The following RBMS3 variants were observed in gnomAD, a reference collection of about 807,000 sequenced individuals.
RBMS3 encodes RNA binding motif single stranded interacting protein 3.
RBMS3 carries 27 observed loss-of-function variants against 66.8 expected under a neutral mutation model. The observed-to-expected ratio is 0.40, with a 90% confidence interval of 0.30 to 0.56. The LOEUF is 0.56. Ranked by LOEUF, RBMS3 falls within the 20% of genes least tolerant of loss-of-function variation. RBMS3 has a pLI of 0.40. For synonymous variants in RBMS3, 188 were observed against 183.0 expected, an observed-to-expected ratio of 1.03 and a Z score of -0.22; for missense variants, 513 against 549.5, an observed-to-expected ratio of 0.93 and a Z score of 0.66.
At chr3:29,721,356 TATA>T (rs1481289336) in intron 4 of RBMS3, among the ~76,000 whole-genome samples, 1 of 152,102 alleles carries the variant, frequency 6.6e-6, no homozygotes, top group Admixed American at 6.6e-5. Flanking sequence ...GTAATAACTA[TATA>T]ACAACAGAGA....
chr3:29,295,281 ATATATATATATATACATATATATC>A (rs747807180), intron 1 of RBMS3, among the ~76,000 whole-genome samples: 1,878 of 28,176 alleles, frequency 0.067, 31 homozygotes, highest in Middle Eastern at 0.22. Flanking sequence ...AATTATATAT[ATATATATATATATACATATATATC>A]TATATATATA....
At chr3:29,624,534 C>G (rs1022031890) in intron 4 of RBMS3, among the ~76,000 whole-genome samples, 1 of 152,040 alleles carries the variant, frequency 6.6e-6, no homozygotes, top group African/African-American at 2.4e-5. Flanking sequence ...ATCTCTGACT[C>G]TTACTATGCT....
chr3:29,792,498 T>C (rs2057046924), intron 6 of RBMS3, among the ~76,000 whole-genome samples: 1 of 152,144 alleles, frequency 6.6e-6, no homozygotes, highest in East Asian at 1.9e-4. Flanking sequence ...TTGGGCTGTC[T>C]TAAAAAAAGA....
chr3:29,371,971 GTA>G, intron 1 of RBMS3, among the ~76,000 whole-genome samples: 1 of 152,152 alleles, frequency 6.6e-6, no homozygotes, highest in South Asian at 2.1e-4. Context: ...TAACAAGCAT[GTA>G]TCAACATTCT....
At chr3:29,911,973 T>C (rs2060525500) in intron 10 of RBMS3, among the ~76,000 whole-genome samples, 1 of 149,270 alleles carries the variant, frequency 6.7e-6, no homozygotes, top group African/African-American at 2.6e-5. Flanking sequence ...GAGAAACACA[T>C]ACATAATAGC....
At chr3:29,496,152 A>G (rs1337065195) in intron 3 of RBMS3, among the ~76,000 whole-genome samples, 1 of 148,422 alleles carries the variant, frequency 6.7e-6, no homozygotes, top group Non-Finnish European at 1.5e-5. Flanking sequence ...AAACACATTT[A>G]TTCAATTTTC....
intron 6 of RBMS3, among the ~76,000 whole-genome samples, chr3:29,779,578 G>T (rs2056550124): frequency 6.6e-6 from 1 of 150,900 alleles, no homozygotes; most frequent in African/African-American, 2.4e-5. Flanking sequence ...ATTACCACAG[G>T]TATTTAATTC....
intron 3 of RBMS3, 80 bp from the exon 4 acceptor site, chr3:29,587,034 C>A: frequency 9.3e-7 from 1 of 1,070,834 alleles, no homozygotes; most frequent in South Asian, 1.5e-5. Context: ...GCAAGTCTAT[C>A]TGTAAACTTG....
Position 29,302,409 on chromosome 3 carries a change from A to G in RBMS3, c.75+20653A>G, listed in dbSNP as rs564019714. ...TTTGCCCATAATTTAAATAATAAAAATTGTTGTTTATGTTTTACCCTCCCT... is the reference window on the plus strand; with the variant it reads ...TTTGCCCATAATTTAAATAATAAAAGTTGTTGTTTATGTTTTACCCTCCCT... On this transcript the variant is annotated intron_variant, in intron 1 of 14. Coordinates refer to ENST00000383767, the MANE Select transcript of RBMS3 (RefSeq NM_001003793.3). Among the ~76,000 whole-genome samples the G allele has an allele frequency of 3.9e-5, 6 of 152,086 alleles. No individual in the cohort carries two copies. The South Asian group carries it at 1.2e-3, about 32-fold the overall frequency.
chr3:29,785,475 A>G (rs2056787740), intron 6 of RBMS3, among the ~76,000 whole-genome samples: 1 of 152,114 alleles, frequency 6.6e-6, no homozygotes, highest in Non-Finnish European at 1.5e-5. Context: ...CCCACTAGCC[A>G]AAGCAAGACT....
At chr3:29,754,242 C>T (rs1433956459) in intron 5 of RBMS3, among the ~76,000 whole-genome samples, 2 of 152,180 alleles carry the variant, frequency 1.3e-5, no homozygotes, top group Non-Finnish European at 2.9e-5. Flanking sequence ...CGTGAGCCAC[C>T]GTACATGGCT....
intron 10 of RBMS3, among the ~76,000 whole-genome samples, chr3:29,910,297 G>A (rs553387785): frequency 1.3e-5 from 2 of 152,026 alleles, no homozygotes; most frequent in African/African-American, 2.4e-5. Context: ...GAAACTACTC[G>A]TGGAAATCAC....
chr3:29,809,661 G>A (rs1272984648), intron 6 of RBMS3, among the ~76,000 whole-genome samples: 2 of 151,860 alleles, frequency 1.3e-5, no homozygotes, highest in African/African-American at 4.8e-5. Context: ...GCTCTTGCAA[G>A]GCTGTCACTA....
intron 5 of RBMS3, among the ~76,000 whole-genome samples, chr3:29,745,877 T>A (rs958821373): frequency 1.4e-5 from 2 of 142,678 alleles, no homozygotes; most frequent in Non-Finnish European, 3.1e-5. Flanking sequence ...ATAATTTAAG[T>A]TTTTCTTTCT....
chr3:29,615,501 A>G (rs2048639665), intron 4 of RBMS3, among the ~76,000 whole-genome samples: 1 of 151,692 alleles, frequency 6.6e-6, no homozygotes, highest in Admixed American at 6.6e-5. Flanking sequence ...CACACATAAA[A>G]TGATTGTTTA....
At chr3:29,538,778 C>G (rs1402815256) in intron 3 of RBMS3, among the ~76,000 whole-genome samples, 1 of 152,172 alleles carries the variant, frequency 6.6e-6, no homozygotes, top group East Asian at 1.9e-4. Context: ...CAGGCAGTAT[C>G]GTGTCAAGCC....
At chr3:29,619,872 T>C (rs2048807096) in intron 4 of RBMS3, among the ~76,000 whole-genome samples, 2 of 138,932 alleles carry the variant, frequency 1.4e-5, no homozygotes, top group Non-Finnish European at 3.1e-5. Context: ...AACAGTGAAG[T>C]TTTTTTTTTT....
intron 1 of RBMS3, among the ~76,000 whole-genome samples, chr3:29,321,371 G>C (rs569598520): frequency 8.3e-4 from 127 of 152,108 alleles, no homozygotes; most frequent in African/African-American, 2.9e-3. Context: ...TTACTTCAAA[G>C]TTAAGTTTGT....
At chr3:29,948,986 A>C (rs1036997357) in intron 12 of RBMS3, among the ~76,000 whole-genome samples, 1 of 151,748 alleles carries the variant, frequency 6.6e-6, no homozygotes, top group African/African-American at 2.4e-5. Flanking sequence ...GACTCTGTAC[A>C]TGATATGTGC....
Sources: gnomAD v4.1 joint callset for allele counts (sites outside exome capture counted in the v4.1 genomes callset) on GRCh38, gnomAD v4.1.1 for gene constraint, MANE v1.5 for transcripts, NCBI Gene and HGNC (gene_info 2026-07-23, HGNC 2026-07-21) for gene names.